The following RASGRF1 variants were observed in gnomAD, a reference collection of about 807,000 sequenced individuals.
RASGRF1 encodes the protein Ras protein specific guanine nucleotide releasing factor 1.
Under a neutral mutation model 138.7 loss-of-function variants are expected in RASGRF1, and 40 were observed. That is an observed-to-expected ratio of 0.29 (90% CI 0.22 to 0.38). The LOEUF (loss-of-function observed/expected upper bound fraction) is 0.38. Among genes scored for constraint, RASGRF1 ranks in the 10% least tolerant of loss-of-function variants. The pLI is 1.00. For synonymous variants in RASGRF1, 614 were observed against 663.2 expected (o/e 0.93, Z 1.14); for missense variants, 1,108 against 1,650.4 (o/e 0.67, Z 5.69).
chr15:78,977,329 G>A (rs1226940437), intron 24 of RASGRF1, among the ~76,000 whole-genome samples: 3 of 152,194 alleles, frequency 2.0e-5, no homozygotes, highest in Non-Finnish European at 4.4e-5. Flanking sequence ...GGGAGGGCAT[G>A]AGGGCCCTTG....
intron 11 of RASGRF1, among the ~76,000 whole-genome samples, chr15:79,019,068 C>T (rs545900625): frequency 2.6e-5 from 4 of 151,344 alleles, no homozygotes; most frequent in South Asian, 2.1e-4. Context: ...TGCATGAGGG[C>T]GTGTGTGTGT....
chr15:79,029,737 G>C (rs1304972958), intron 8 of RASGRF1, among the ~76,000 whole-genome samples: 1 of 152,122 alleles, frequency 6.6e-6, no homozygotes, highest in Non-Finnish European at 1.5e-5. Flanking sequence ...GAGAATTAAA[G>C]GGATGCTGTC....
intron 23 of RASGRF1, among the ~76,000 whole-genome samples, chr15:78,983,118 T>C (rs2056072091): frequency 6.6e-6 from 1 of 152,138 alleles, no homozygotes; most frequent in South Asian, 2.1e-4. Context: ...CCAGTGTCCA[T>C]GGGACGCCTG....
At chr15:79,045,306 G>A (rs1473407601) in intron 5 of RASGRF1, among the ~76,000 whole-genome samples, 2 of 152,160 alleles carry the variant, frequency 1.3e-5, no homozygotes, top group East Asian at 3.9e-4. Context: ...GGTTTGCTCA[G>A]CAAGGAACAC....
Position 78,973,253 on chromosome 15 carries a change from C to A in RASGRF1, c.3612+50G>T. ...AGTGTGGGTGGGCCCCAGGTTGAGT[C>A]ATCTGGGCTTCAACGCCCCCCTTCC... On this transcript the variant is annotated intron_variant, in intron 25 of 26. Coordinates refer to ENST00000558480, the MANE Select transcript of RASGRF1 (RefSeq NM_001145648.3). The surrounding 1 kb of genome is among the most constrained non-coding windows in gnomAD (Gnocchi z 4.9). 1.4e-6 allele frequency: 2 copies of A among 1,440,096 alleles called. No homozygotes were observed. Among genetic ancestry groups the A allele is most frequent in the Admixed American group, 1.8e-5 (1 of 55,392 alleles). 89.2% of individuals were successfully genotyped at this position (1,440,096 alleles called of 1,614,324 possible).
intron 2 of RASGRF1, among the ~76,000 whole-genome samples, chr15:79,060,592 G>A (rs1322282173): frequency 3.3e-5 from 5 of 152,286 alleles, no homozygotes; most frequent in East Asian, 3.9e-4. Context: ...TGGGTCACAC[G>A]TCTGTCAAAT....
Position 79,025,468 on chromosome 15 carries a change from A to G in RASGRF1, c.1388T>C (p.Leu463Pro), listed in dbSNP as rs2057033669. ...TSQTFVRQGS[L>P]IQVPMSEKGK... The stretch of plus-strand genomic sequence containing the variant: ...CTTTTCAGACATGGGCACCTGAATG[A>G]GGGAACCTGTGGGTGGAGGAGAGAG... Residue 463 changes from leucine (L) to proline (P), a missense_variant, in exon 10 of 27, where the codon CTC (leucine) becomes CCC (proline). Leu to Pro is a moderately conservative substitution (Grantham distance 98). Coordinates refer to ENST00000558480, the MANE Select transcript of RASGRF1 (RefSeq NM_001145648.3). 6.2e-7 allele frequency: 1 copy of G among 1,612,056 alleles called. No homozygotes were observed. The highest frequency in any genetic ancestry group is 1.3e-5 in the African/African-American group (1 of 74,810).
chr15:79,063,228 C>A (rs1042174284), intron 2 of RASGRF1, among the ~76,000 whole-genome samples: 1 of 152,202 alleles, frequency 6.6e-6, no homozygotes, highest in African/African-American at 2.4e-5. Flanking sequence ...TGTCTCCCAG[C>A]ACTGTGCACT....
intron 3 of RASGRF1, among the ~76,000 whole-genome samples, chr15:79,052,982 C>G (rs2057453267): frequency 6.6e-6 from 1 of 152,116 alleles, no homozygotes; most frequent in South Asian, 2.1e-4. Context: ...AAAACTGATT[C>G]TAGGCCAGTT....
chr15:78,966,078 T>A (rs7175666), intron 26 of RASGRF1, among the ~76,000 whole-genome samples: 151,459 of 152,216 alleles, frequency 1, 75,359 homozygotes, highest in Middle Eastern at 1. Flanking sequence ...AGCCATTCTG[T>A]ACCCCCAGTG....
In RASGRF1 at chr15:79,042,450, G is replaced by A. The variant is rs563266409; in HGVS notation, c.878+4296C>T. Among the ~76,000 whole-genome samples the A allele has an allele frequency of 1.6e-4, 25 of 152,350 alleles. No homozygotes were observed. In the South Asian group the frequency reaches 3.9e-3, roughly 24 times the overall value. On this transcript the variant is annotated intron_variant, in intron 5 of 26. Coordinates refer to ENST00000558480, the MANE Select transcript of RASGRF1 (RefSeq NM_001145648.3). ...CACATCCTGGATCAGCCCCCACAGC[G>A]TGGACAGCAAGTGAAAAGGTGGGGC...
chr15:79,090,664 G>T lies in RASGRF1; in HGVS notation c.-166C>A. The T allele has an allele frequency of 2.1e-6, 2 of 966,866 alleles. No individual in the cohort carries two copies. The highest frequency in any genetic ancestry group is 3.0e-6 in the Non-Finnish European group (2 of 668,220). The allele number at this position is 966,866 out of a possible 1,614,324, so 59.9% of individuals were successfully genotyped here. On this transcript the variant is annotated 5_prime_UTR_variant, in exon 1 of 27. Coordinates refer to ENST00000558480, the MANE Select transcript of RASGRF1 (RefSeq NM_001145648.3). ...ACTCCAGGATCTGGCGCCGAGCCGC[G>T]GCTTCTTGAATCCAGATATACCATT...
chr15:78,961,917 T>A lies in RASGRF1; in HGVS notation c.*227A>T. On this transcript the variant is annotated 3_prime_UTR_variant, in exon 27 of 27. Transcript: ENST00000558480. ...GGAAGAGGGACCAAGAGTACAGCTG[T>A]TTAAAAGAAACAGGCACTGCAGGAG... is the stretch of plus-strand genomic sequence containing the variant. 2.0e-6 allele frequency: 1 copy of A among 500,984 alleles called. No individual in the cohort carries two copies. 31.0% of individuals were successfully genotyped at this position (500,984 alleles called of 1,614,324 possible).
At chr15:79,061,415 T>A (rs867308321) in intron 2 of RASGRF1, among the ~76,000 whole-genome samples, 1 of 144,554 alleles carries the variant, frequency 6.9e-6, no homozygotes, top group Admixed American at 7.0e-5. Context: ...ATCTTTAAAA[T>A]ATATATATAT....
chr15:78,966,119 C>T (rs1455720643), intron 26 of RASGRF1, among the ~76,000 whole-genome samples: 3 of 151,964 alleles, frequency 2.0e-5, no homozygotes, highest in Non-Finnish European at 4.4e-5. Flanking sequence ...GTGCTTTAAG[C>T]TGATGAATTC....
At chr15:78,990,399 G>T in intron 21 of RASGRF1, 126 bp from the exon 22 acceptor site, 1 of 663,690 alleles carries the variant, frequency 1.5e-6, no homozygotes, top group Non-Finnish European at 2.6e-6. Context: ...ACAACCTTCT[G>T]CAGAGCCCTG....
chr15:79,068,227 C>G (rs1047995726), intron 1 of RASGRF1, among the ~76,000 whole-genome samples: 1 of 152,118 alleles, frequency 6.6e-6, no homozygotes, highest in African/African-American at 2.4e-5. Context: ...TGGCTTGGCT[C>G]TTAGCCCAGG....
chr15:79,054,264 G>C (rs766893417), intron 3 of RASGRF1, among the ~76,000 whole-genome samples: 1 of 152,202 alleles, frequency 6.6e-6, no homozygotes, highest in African/African-American at 2.4e-5. Flanking sequence ...AGTGTTTAAA[G>C]GGGAGGTTGG....
rs759339731 is a variant in RASGRF1, at chr15:79,090,376, G to A, written c.123C>T (p.Thr41=). 3.7e-6 allele frequency: 6 copies of A among 1,613,808 alleles called. No individual in the cohort carries two copies. The highest frequency in any genetic ancestry group is 5.1e-6 in the Non-Finnish European group (6 of 1,179,990). ...KRSSDNTKWQ[T]KWFALLQNLL... Reference sequence around the variant, plus strand: ...GGTTCTGCAGCAGCGCGAACCACTTGGTTTGCCATTTTGTGTTGTCCGAAC... The same window carrying A: ...GGTTCTGCAGCAGCGCGAACCACTTAGTTTGCCATTTTGTGTTGTCCGAAC... Residue 41 remains threonine, a synonymous_variant, in exon 1 of 27, where the codon ACC becomes ACT. Coordinates refer to ENST00000558480, the MANE Select transcript of RASGRF1 (RefSeq NM_001145648.3).
Sources: gnomAD v4.1 joint callset for allele counts (sites outside exome capture counted in the v4.1 genomes callset) on GRCh38, gnomAD v4.1.1 for gene constraint, Gnocchi (gnomAD v3.1) non-coding constraint, MANE v1.5 for transcripts, NCBI Gene and HGNC (gene_info 2026-07-23, HGNC 2026-07-21) for gene names.